The following ST6GAL2 variants were observed in gnomAD, a reference collection of about 807,000 sequenced individuals.
The protein encoded by ST6GAL2 is beta-galactoside alpha-2,6-sialyltransferase 2.
Under a neutral mutation model 37.5 loss-of-function variants are expected in ST6GAL2, and 24 were observed. That is an observed-to-expected ratio of 0.64 (90% CI 0.46 to 0.90). The LOEUF (loss-of-function observed/expected upper bound fraction) is 0.90, where lower values mean the gene tolerates loss of function less well. Ranked by LOEUF, ST6GAL2 falls within the 40% of genes least tolerant of loss-of-function variation. The probability of loss-of-function intolerance (pLI) is 0.00; values close to 1 mark genes in which losing one functional copy is unlikely to be tolerated. For synonymous variants in ST6GAL2, 306 were observed against 295.1 expected (o/e 1.04, Z -0.38); for missense variants, 715 against 712.7 (o/e 1.00, Z -0.04).
chr2:106,860,628 T>A (rs896776356), intron 1 of ST6GAL2, among the ~76,000 whole-genome samples: 3 of 152,126 alleles, frequency 2.0e-5, no homozygotes, highest in African/African-American at 7.2e-5. Context: ...ATCAAACCAC[T>A]TGTTACTGAC....
intron 1 of ST6GAL2, among the ~76,000 whole-genome samples, chr2:106,873,035 C>T (rs551095082): frequency 6.6e-6 from 1 of 152,206 alleles, no homozygotes; most frequent in East Asian, 1.9e-4. Flanking sequence ...TAAAACTAAA[C>T]AAAACGCTCA....
At chr2:106,816,054 G>C (rs1051882878) in intron 5 of ST6GAL2, among the ~76,000 whole-genome samples, 2 of 152,182 alleles carry the variant, frequency 1.3e-5, no homozygotes, top group Non-Finnish European at 2.9e-5. Flanking sequence ...CTAAAATAAA[G>C]TCAGGATGGC....
chr2:106,873,819 A>G (rs905433528), intron 1 of ST6GAL2, among the ~76,000 whole-genome samples: 1 of 152,238 alleles, frequency 6.6e-6, no homozygotes, highest in Non-Finnish European at 1.5e-5. Context: ...ACTCTGAAGT[A>G]TAAGACAGTG....
chr2:106,863,341 C>A (rs1210766721), intron 1 of ST6GAL2, among the ~76,000 whole-genome samples: 4 of 152,186 alleles, frequency 2.6e-5, no homozygotes, highest in Admixed American at 1.3e-4. Context: ...CAGATTGGAT[C>A]ATGGATTTTT....
At chr2:106,847,628 T>C (rs2104535694) in intron 1 of ST6GAL2, among the ~76,000 whole-genome samples, 1 of 152,302 alleles carries the variant, frequency 6.6e-6, no homozygotes, top group African/African-American at 2.4e-5. Flanking sequence ...CACAAGTTAC[T>C]CAAAGCCACT....
chr2:106,855,335 G>A (rs1388316859), intron 1 of ST6GAL2, among the ~76,000 whole-genome samples: 2 of 152,178 alleles, frequency 1.3e-5, no homozygotes, highest in Non-Finnish European at 2.9e-5. Flanking sequence ...TGGAAATGGT[G>A]TTTTACGTGG....
chr2:106,858,905 ACAGC>A (rs1410670030), intron 1 of ST6GAL2, among the ~76,000 whole-genome samples: 3 of 152,178 alleles, frequency 2.0e-5, no homozygotes, highest in Non-Finnish European at 4.4e-5. Context: ...GCAAGGGAGG[ACAGC>A]CAGATGGGCC....
chr2:106,851,970 A>G (rs1161651038), intron 1 of ST6GAL2, among the ~76,000 whole-genome samples: 1 of 152,206 alleles, frequency 6.6e-6, no homozygotes, highest in Admixed American at 6.5e-5. Context: ...TGCAGCAAAG[A>G]GGAAGATACC....
At chr2:106,838,625 G>A (rs1676743032) in intron 2 of ST6GAL2, among the ~76,000 whole-genome samples, 1 of 152,136 alleles carries the variant, frequency 6.6e-6, no homozygotes, top group African/African-American at 2.4e-5. Context: ...ACCCAGACTG[G>A]GGTTTGAATC....
At chr2:106,816,708 G>T (rs2104429793) in intron 5 of ST6GAL2, among the ~76,000 whole-genome samples, 1 of 152,274 alleles carries the variant, frequency 6.6e-6, no homozygotes, top group African/African-American at 2.4e-5. Context: ...TGTCCTGCCA[G>T]CAGGAACACC....
At chr2:106,809,236 A>T (rs1423576694) in intron 5 of ST6GAL2, among the ~76,000 whole-genome samples, 1 of 152,244 alleles carries the variant, frequency 6.6e-6, no homozygotes, top group Admixed American at 6.5e-5. Flanking sequence ...ACAAGGAATC[A>T]CGCTGAAGGG....
At chr2:106,866,344 C>T (rs1678024364) in intron 1 of ST6GAL2, among the ~76,000 whole-genome samples, 2 of 152,160 alleles carry the variant, frequency 1.3e-5, no homozygotes, top group African/African-American at 4.8e-5. Flanking sequence ...GTGTGCTATA[C>T]CTGAAGTCAG....
chr2:106,868,461 G>A (rs919228090), intron 1 of ST6GAL2, among the ~76,000 whole-genome samples: 1 of 152,150 alleles, frequency 6.6e-6, no homozygotes, highest in Non-Finnish European at 1.5e-5. Context: ...AATGTCCAAT[G>A]CTGACCTCAG....
intron 5 of ST6GAL2, among the ~76,000 whole-genome samples, chr2:106,823,301 G>A (rs17033329): frequency 0.09 from 13,696 of 151,722 alleles, 860 homozygotes; most frequent in African/African-American, 0.13. Context: ...TGCCTATGGG[G>A]TACTAGATCA....
chr2:106,845,993 G>A (rs2104530061), intron 1 of ST6GAL2, among the ~76,000 whole-genome samples: 1 of 152,322 alleles, frequency 6.6e-6, no homozygotes, highest in East Asian at 1.9e-4. Context: ...AGCTAGGAAA[G>A]TCCACGTGGA....
chr2:106,813,942 TC>T (rs1236983524), intron 5 of ST6GAL2, among the ~76,000 whole-genome samples: 3 of 152,192 alleles, frequency 2.0e-5, no homozygotes, highest in African/African-American at 4.8e-5. Flanking sequence ...TTGTGGTTTC[TC>T]CTTAAATTCA....
At chr2:106,809,858 C>A (rs1281014202) in intron 5 of ST6GAL2, among the ~76,000 whole-genome samples, 1 of 152,166 alleles carries the variant, frequency 6.6e-6, no homozygotes, top group African/African-American at 2.4e-5. Context: ...GTGTCTAAAT[C>A]CTTCCATTTT....
At chr2:106,837,135 C>A (rs1676680270) in intron 2 of ST6GAL2, among the ~76,000 whole-genome samples, 1 of 152,056 alleles carries the variant, frequency 6.6e-6, no homozygotes, top group Admixed American at 6.6e-5. Context: ...AATATATCTG[C>A]CAAATATCCA....
intron 5 of ST6GAL2, among the ~76,000 whole-genome samples, chr2:106,827,552 C>T (rs1676255435): frequency 6.6e-6 from 1 of 152,192 alleles, no homozygotes; most frequent in African/African-American, 2.4e-5. Flanking sequence ...CCAACCCTTA[C>T]CCACAGAGCA....
Sources: gnomAD v4.1 joint callset for allele counts (sites outside exome capture counted in the v4.1 genomes callset) on GRCh38, gnomAD v4.1.1 for gene constraint, MANE v1.5 for transcripts, NCBI Gene and HGNC (gene_info 2026-07-23, HGNC 2026-07-21) for gene names.